The following ADAMTSL1 variants were observed in gnomAD, a reference collection of about 807,000 sequenced individuals.
The protein encoded by ADAMTSL1 is ADAMTS like 1.
A neutral mutation model predicts 201.8 loss-of-function variants in ADAMTSL1; 126 were observed. The ratio of observed to expected loss-of-function variants is 0.62; its 90% CI spans 0.54 to 0.72. The LOEUF is 0.72. ADAMTSL1 is among the 30% of genes least tolerant of loss of function. The pLI is 0.00. For missense variants in ADAMTSL1, 2,679 were observed against 2,277.8 expected, an observed-to-expected ratio of 1.18 and a Z score of -3.59; for synonymous variants, 1,121 against 903.4, an observed-to-expected ratio of 1.24 and a Z score of -4.32.
intron 10 of ADAMTSL1, 131 bp downstream of exon 10, chr9:18,676,038 G>T: frequency 1.1e-6 from 1 of 906,198 alleles, no homozygotes. Context: ...GGTATATTTT[G>T]CAATCCATCC....
intron 1 of ADAMTSL1, among the ~76,000 whole-genome samples, chr9:17,989,201 G>A (rs926831078): frequency 4.0e-5 from 6 of 151,678 alleles, no homozygotes; most frequent in Non-Finnish European, 2.9e-5. Context: ...CTCATCTACC[G>A]AGACAGTCCT....
chr9:18,880,145 C>T (rs754021626), intron 23 of ADAMTSL1, among the ~76,000 whole-genome samples: 117 of 152,294 alleles, frequency 7.7e-4, no homozygotes, highest in Non-Finnish European at 1.1e-3. Context: ...TCTGCAGTGA[C>T]TTCCTCAACA....
At chr9:18,412,148 A>G (rs1192764652) in intron 2 of ADAMTSL1, among the ~76,000 whole-genome samples, 3 of 152,274 alleles carry the variant, frequency 2.0e-5, no homozygotes, top group Non-Finnish European at 4.4e-5. Flanking sequence ...TCTAGTCCCC[A>G]CTTTTCCTGT....
chr9:18,086,358 A>G (rs879585507), intron 1 of ADAMTSL1, among the ~76,000 whole-genome samples: 35 of 152,156 alleles, frequency 2.3e-4, no homozygotes, highest in Admixed American at 6.6e-4. Flanking sequence ...AGAGTGACCA[A>G]TGATTTGAAT....
intron 2 of ADAMTSL1, among the ~76,000 whole-genome samples, chr9:18,461,098 T>C (rs1587280280): frequency 6.6e-6 from 1 of 152,188 alleles, no homozygotes; most frequent in Admixed American, 6.5e-5. Flanking sequence ...TTTTAAAGGG[T>C]ATATTGCAAA....
chr9:18,446,684 G>A (rs1888065), intron 2 of ADAMTSL1, among the ~76,000 whole-genome samples: 53,223 of 152,112 alleles, frequency 0.35, 9,847 homozygotes, highest in African/African-American at 0.44. Flanking sequence ...AGCCTTTGAC[G>A]TAGATCTTCA....
At chr9:17,930,907 G>C (rs1319578272) in intron 1 of ADAMTSL1, among the ~76,000 whole-genome samples, 1 of 152,158 alleles carries the variant, frequency 6.6e-6, no homozygotes, top group Non-Finnish European at 1.5e-5. Context: ...CTTGTCAGCT[G>C]AATGGAAGCC....
intron 2 of ADAMTSL1, among the ~76,000 whole-genome samples, chr9:18,438,315 G>A (rs557539276): frequency 6.6e-6 from 1 of 152,088 alleles, no homozygotes; most frequent in Admixed American, 6.5e-5. Context: ...ATAACTTCTG[G>A]TGAAAATGGA....
chr9:18,168,894 TC>T (rs1827758306), intron 2 of ADAMTSL1, among the ~76,000 whole-genome samples: 1 of 151,652 alleles, frequency 6.6e-6, no homozygotes, highest in African/African-American at 2.4e-5. Context: ...GAGCATTTTT[TC>T]ATGTGCTTTT....
chr9:18,845,270 T>C (rs1826031983), intron 23 of ADAMTSL1, among the ~76,000 whole-genome samples: 1 of 150,296 alleles, frequency 6.7e-6, no homozygotes. Context: ...TGGAGGCACA[T>C]GTCAGCCCCA....
chr9:17,958,763 T>C (rs761082388), intron 1 of ADAMTSL1, among the ~76,000 whole-genome samples: 11 of 152,162 alleles, frequency 7.2e-5, no homozygotes, highest in Non-Finnish European at 1.0e-4. Flanking sequence ...AAAAATTACA[T>C]TGAGGACCAT....
intron 1 of ADAMTSL1, among the ~76,000 whole-genome samples, chr9:18,495,517 A>G (rs12000949): frequency 0.039 from 5,891 of 152,276 alleles, 362 homozygotes; most frequent in African/African-American, 0.13. Context: ...CTTTACATTC[A>G]TAATGGGAAA....
intron 1 of ADAMTSL1, among the ~76,000 whole-genome samples, chr9:17,963,054 G>C (rs1458060040): frequency 6.6e-6 from 1 of 152,230 alleles, no homozygotes; most frequent in Non-Finnish European, 1.5e-5. Context: ...ATGCCCTTGA[G>C]ATAAGTAAAT....
intron 1 of ADAMTSL1, among the ~76,000 whole-genome samples, chr9:17,986,209 C>T (rs187674336): frequency 2.6e-5 from 4 of 152,086 alleles, no homozygotes; most frequent in Non-Finnish European, 2.9e-5. Flanking sequence ...ATGCCAGTCC[C>T]GTATCCCTGG....
At chr9:18,557,074 G>T (rs113266347) in intron 3 of ADAMTSL1, among the ~76,000 whole-genome samples, 3 of 151,922 alleles carry the variant, frequency 2.0e-5, no homozygotes, top group Non-Finnish European at 4.4e-5. Context: ...GGTTTTGTCC[G>T]TATGAACCCT....
chr9:18,268,780 G>C (rs940488737), intron 2 of ADAMTSL1, among the ~76,000 whole-genome samples: 1 of 152,204 alleles, frequency 6.6e-6, no homozygotes, highest in African/African-American at 2.4e-5. Flanking sequence ...TCCTTTACTA[G>C]TGAGATCTTT....
chr9:18,466,348 T>C (rs1483656264), intron 2 of ADAMTSL1, among the ~76,000 whole-genome samples: 1 of 152,210 alleles, frequency 6.6e-6, no homozygotes, highest in Non-Finnish European at 1.5e-5. Flanking sequence ...CTCCATGCTG[T>C]TATCTTATAT....
At chr9:18,419,049 T>C (rs10963601) in intron 2 of ADAMTSL1, among the ~76,000 whole-genome samples, 41,758 of 152,144 alleles carry the variant, frequency 0.27, 5,924 homozygotes, top group East Asian at 0.47. Flanking sequence ...ATGTGGCCAA[T>C]TGATTTTTGG....
intron 2 of ADAMTSL1, among the ~76,000 whole-genome samples, chr9:18,264,597 A>G (rs1237006615): frequency 6.6e-6 from 1 of 152,196 alleles, no homozygotes; most frequent in Non-Finnish European, 1.5e-5. Flanking sequence ...GGCCCCCGAC[A>G]GGAGTGAGAT....
Sources: allele counts gnomAD v4.1 joint callset (sites outside exome capture counted in the v4.1 genomes callset), GRCh38; gene constraint gnomAD v4.1.1; transcripts MANE v1.5; gene names NCBI Gene and HGNC (gene_info 2026-07-23, HGNC 2026-07-21).